The following RREB1 variants were observed in gnomAD, a reference collection of about 807,000 sequenced individuals.
RREB1 encodes ras responsive element binding protein 1, also known as ras-responsive element-binding protein 1.
In RREB1, 27 loss-of-function variants were observed where a neutral mutation model predicts 117.8. The observed-to-expected ratio is 0.23, with a 90% CI of 0.17 to 0.32. The LOEUF (loss-of-function observed/expected upper bound fraction) is 0.32. RREB1 is among the 10% of genes least tolerant of loss of function. RREB1 has a pLI of 1.00. For synonymous variants in RREB1, 1,298 were observed against 1,026.7 expected, an observed-to-expected ratio of 1.26 and a Z score of -5.05; for missense variants, 2,577 against 2,378.2, an observed-to-expected ratio of 1.08 and a Z score of -1.74.
At chr6:7,205,011 G>A (rs1297707233) in intron 6 of RREB1, among the ~76,000 whole-genome samples, 1 of 152,198 alleles carries the variant, frequency 6.6e-6, no homozygotes, top group Non-Finnish European at 1.5e-5. Flanking sequence ...TAAACTGATG[G>A]AGAGACTGCT....
Position 7,231,086 on chromosome 6 carries a change from C to T in RREB1, c.2987C>T (p.Ala996Val), listed in dbSNP as rs372530310. 6 of 1,613,300 alleles carry T rather than the reference C, an allele frequency of 3.7e-6. No individual in the cohort carries two copies. Among genetic ancestry groups the T allele is most frequent in the Non-Finnish European group, 3.4e-6 (4 of 1,179,970 alleles). The stretch of plus-strand genomic sequence containing the variant: ...ATCCTGGAAAGCCCCATGGCCCCTG[C>T]TCCGGCGGCCACCCCGGAACCCCCA... ...SGILESPMAP[A>V]PAATPEPPAQ... The change falls in exon 10 of 13, where the codon GCT (alanine) becomes GTT (valine). Residue 996 changes from alanine to valine, a missense_variant. Ala to Val is a moderately conservative substitution (Grantham distance 64). Transcript: ENST00000379938.
chr6:7,159,740 C>T (rs1236836536), intron 1 of RREB1, among the ~76,000 whole-genome samples: 1 of 152,178 alleles, frequency 6.6e-6, no homozygotes, highest in Non-Finnish European at 1.5e-5. Flanking sequence ...CTGCCAGTCT[C>T]CTTAACTCTC....
intron 6 of RREB1, 26 bp downstream of exon 6, chr6:7,189,348 G>T: frequency 6.5e-7 from 1 of 1,544,160 alleles, no homozygotes; most frequent in Non-Finnish European, 8.8e-7. Flanking sequence ...CTTTGCTTGG[G>T]GGGTTGGCTG....
At chr6:7,225,054 G>A (rs1255256873) in intron 8 of RREB1, among the ~76,000 whole-genome samples, 1 of 152,216 alleles carries the variant, frequency 6.6e-6, no homozygotes, top group Non-Finnish European at 1.5e-5. Context: ...AGTGCTTCCT[G>A]AAAGTGAGCA....
rs2113617710 is a variant in RREB1 at position 7,210,871 on chromosome 6, C to T, written c.493C>T (p.Arg165Cys). The stretch of plus-strand genomic sequence containing the variant: ...CACAGCCCCTCCATCTCCTCTGAAA[C>T]GTAGGCGATTGTCCTCCAAGAGGAA... ...TATAPPSPLKRRRLSSKRKLS... is the reference protein window; with the variant it reads ...TATAPPSPLKCRRLSSKRKLS... Residue 165 changes from arginine to cysteine, a missense_variant, in exon 7 of 13, where the codon CGT becomes TGT. By Grantham distance (180) the Arg-to-Cys change is radical (BLOSUM62 -3). Coordinates refer to ENST00000379938, the MANE Select transcript of RREB1 (RefSeq NM_001003699.4). 6.2e-6 allele frequency: 10 copies of T among 1,614,020 alleles called. No individual in the cohort carries two copies. Among genetic ancestry groups the T allele is most frequent in the Non-Finnish European group, 7.6e-6 (9 of 1,179,888 alleles).
chr6:7,151,672 A>G (rs1763129246), intron 1 of RREB1, among the ~76,000 whole-genome samples: 1 of 152,254 alleles, frequency 6.6e-6, no homozygotes, highest in African/African-American at 2.4e-5. Context: ...AATGGGCAGC[A>G]GCCCCACTGC....
intron 6 of RREB1, among the ~76,000 whole-genome samples, chr6:7,200,283 TTTTTTTTTTTTTC>T (rs1765897341): frequency 5.3e-5 from 5 of 93,962 alleles, no homozygotes; most frequent in Admixed American, 1.8e-4. Flanking sequence ...TGTGTGTGTA[TTTTTTTTTTTTTC>T]TTTTTTGAGA....
At chr6:7,244,712 G>C (rs1023536096) in intron 11 of RREB1, among the ~76,000 whole-genome samples, 1 of 152,204 alleles carries the variant, frequency 6.6e-6, no homozygotes, top group African/African-American at 2.4e-5. Flanking sequence ...AGTGCAGTCA[G>C]TGTAAAACTA....
intron 1 of RREB1, among the ~76,000 whole-genome samples, chr6:7,127,379 A>G (rs1012620191): frequency 6.6e-6 from 1 of 151,928 alleles, no homozygotes; most frequent in African/African-American, 2.4e-5. Flanking sequence ...TTTTTTTTAC[A>G]AGAGATTTTT....
intron 6 of RREB1, among the ~76,000 whole-genome samples, chr6:7,205,563 G>A (rs4960295): frequency 0.53 from 81,138 of 152,030 alleles, 22,790 homozygotes; most frequent in East Asian, 0.8. Flanking sequence ...CCAGTGCTTG[G>A]ATAGCTAAGA....
chr6:7,198,749 GCTTTT>G (rs1305726991), intron 6 of RREB1, among the ~76,000 whole-genome samples: 1 of 152,010 alleles, frequency 6.6e-6, no homozygotes, highest in African/African-American at 2.4e-5. Flanking sequence ...AATTTAGAAA[GCTTTT>G]CTTTAAGAAG....
intron 11 of RREB1, among the ~76,000 whole-genome samples, chr6:7,242,756 A>G (rs952274117): frequency 6.7e-6 from 1 of 148,696 alleles, no homozygotes; most frequent in Non-Finnish European, 1.5e-5. Flanking sequence ...CTAGGCTTGT[A>G]TGCCTAGGTG....
At chr6:7,145,029 T>C (rs1426398413) in intron 1 of RREB1, among the ~76,000 whole-genome samples, 2 of 152,224 alleles carry the variant, frequency 1.3e-5, no homozygotes, top group Non-Finnish European at 2.9e-5. Context: ...TGCTTTCTTC[T>C]TCGTCTCACC....
At position 7,211,479 on chromosome 6, in the gene RREB1, T is replaced by A. The variant is rs185223174; in HGVS notation, c.571-94T>A. Reference sequence around the variant, plus strand: ...TGGATAATGCAACCCTTGCCTTTTATTATTGTAAATCTCTGAATTTAGCAT... The same window carrying A: ...TGGATAATGCAACCCTTGCCTTTTAATATTGTAAATCTCTGAATTTAGCAT... On this transcript the variant is annotated intron_variant, in intron 7 of 12. Transcript: ENST00000379938. 6.7e-5 allele frequency: 78 copies of A among 1,158,516 alleles called. No homozygotes were observed. The African/African-American group carries it at 1.1e-3, about 16-fold the overall frequency. The allele number at this position is 1,158,516 out of a possible 1,614,324, so 71.8% of individuals were successfully genotyped here. A position where few individuals can be genotyped will look rare whatever the true frequency, so the allele number is the denominator to read the frequency against.
At chr6:7,148,600 G>A (rs1001896254) in intron 1 of RREB1, among the ~76,000 whole-genome samples, 1 of 151,956 alleles carries the variant, frequency 6.6e-6, no homozygotes, top group African/African-American at 2.4e-5. Context: ...GTTGTTCATC[G>A]TGATGATCCT....
At chr6:7,167,766 A>G (rs900034847) in intron 1 of RREB1, among the ~76,000 whole-genome samples, 2 of 152,226 alleles carry the variant, frequency 1.3e-5, no homozygotes, top group Non-Finnish European at 2.9e-5. Flanking sequence ...ATGTTGGAGG[A>G]TAAATAGTGT....
intron 1 of RREB1, among the ~76,000 whole-genome samples, chr6:7,146,561 C>T (rs542363843): frequency 5.3e-4 from 81 of 152,078 alleles, no homozygotes; most frequent in Non-Finnish European, 7.9e-4. Context: ...GTGGAGGAAC[C>T]GAGCTCTTTA....
At position 7,229,711 on chromosome 6, in the gene RREB1, A is replaced by G. The variant is rs757637155; in HGVS notation, c.1612A>G (p.Ile538Val). ...INAQQASPGC[I>V]SPSLPPPPLK... ...CGCCCAGCAGGCTTCCCCGGGCTGT[A>G]TCAGCCCCAGCCTGCCGCCACCGCC... Residue 538 changes from isoleucine to valine, a missense_variant, in exon 10 of 13, where the codon ATC becomes GTC. Ile to Val is a conservative substitution (Grantham distance 29, BLOSUM62 3). Transcript: ENST00000379938. The surrounding 1 kb of genome is among the most constrained non-coding windows in gnomAD (Gnocchi z 4.5). 21 of 1,606,056 alleles carry G rather than the reference A, an allele frequency of 1.3e-5. No individual in the cohort carries two copies. In the South Asian group the frequency reaches 2.2e-4, roughly 17 times the overall value.
In RREB1 at chr6:7,226,730, C is replaced by T. The variant is rs148829287; in HGVS notation, c.897+74C>T. ...CACACAGTTAGACCATGGGAACTTC[C>T]TCTCCTCAGGGTTTCTTTCCTTAAA... On this transcript the variant is annotated intron_variant, in intron 9 of 12. Transcript: ENST00000379938. The T allele has an allele frequency of 5.6e-5, 64 of 1,135,614 alleles. No individual in the cohort carries two copies. The African/African-American group carries it at 9.3e-4, about 17-fold the overall frequency. The allele number at this position is 1,135,614 out of a possible 1,614,324, so 70.3% of individuals were successfully genotyped here.
Sources: gnomAD v4.1 joint callset for allele counts (sites outside exome capture counted in the v4.1 genomes callset) on GRCh38, gnomAD v4.1.1 for gene constraint, Gnocchi (gnomAD v3.1) non-coding constraint, MANE v1.5 for transcripts, NCBI Gene and HGNC (gene_info 2026-07-23, HGNC 2026-07-21) for gene names.